RABGAP1L: variants seen among roughly 807,000 people sequenced by gnomAD.
RABGAP1L encodes rab GTPase-activating protein 1-like.
A neutral mutation model predicts 137.7 loss-of-function variants in RABGAP1L; 63 were observed. The observed-to-expected ratio is 0.46, with a 90% CI of 0.37 to 0.56. The LOEUF is 0.56. RABGAP1L is among the 20% of genes least tolerant of loss of function. The probability of loss-of-function intolerance (pLI) is 0.00; values close to 1 mark genes in which losing one functional copy is unlikely to be tolerated. For synonymous variants in RABGAP1L, 431 were observed against 433.7 expected (o/e 0.99, Z 0.08); for missense variants, 1,095 against 1,244.0 (o/e 0.88, Z 1.80).
rs1003697268 is a variant in RABGAP1L at position 174,423,940 on chromosome 1, TG to T, written c.1710+29796del. The stretch of plus-strand genomic sequence containing the variant: ...CAGAGAAAAAAAATATTTTGGGATA[TG>T]TAGGCCAGAGGCAAATGATCTGACA... On this transcript the variant is annotated intron_variant, in intron 13 of 25. Transcript: ENST00000681986. Among the ~76,000 whole-genome samples the T allele has an allele frequency of 2.6e-5, 4 of 152,268 alleles. No homozygotes were observed. The East Asian group carries it at 7.7e-4, about 29-fold the overall frequency.
intron 17 of RABGAP1L, among the ~76,000 whole-genome samples, chr1:174,743,601 A>G (rs992708052): frequency 5.9e-5 from 9 of 152,272 alleles, no homozygotes; most frequent in Middle Eastern, 3.4e-3. Flanking sequence ...GTTTACCTGC[A>G]TAACAAACCT....
chr1:174,813,372 TG>T (rs1690070638), intron 19 of RABGAP1L, among the ~76,000 whole-genome samples: 1 of 152,194 alleles, frequency 6.6e-6, no homozygotes, highest in Non-Finnish European at 1.5e-5. Flanking sequence ...ATGATTGCAC[TG>T]ATTTTGAACT....
intron 11 of RABGAP1L, among the ~76,000 whole-genome samples, chr1:174,340,291 T>C (rs1681861408): frequency 6.6e-6 from 1 of 152,226 alleles, no homozygotes; most frequent in African/African-American, 2.4e-5. Context: ...TGGAATGTTA[T>C]CCTTAGTTCT....
chr1:174,895,637 C>T (rs1295911048), intron 19 of RABGAP1L, among the ~76,000 whole-genome samples: 2 of 151,986 alleles, frequency 1.3e-5, no homozygotes, highest in Non-Finnish European at 2.9e-5. Context: ...GTTCCCCTTC[C>T]TGGGTCCAAG....
At chr1:174,819,254 G>A (rs916646105) in intron 19 of RABGAP1L, among the ~76,000 whole-genome samples, 7 of 149,070 alleles carry the variant, frequency 4.7e-5, no homozygotes, top group African/African-American at 1.7e-4. Flanking sequence ...GGGAGAGAGA[G>A]AGATGAGTAA....
intron 1 of RABGAP1L, among the ~76,000 whole-genome samples, chr1:174,197,492 A>G (rs761250598): frequency 2.0e-5 from 3 of 152,104 alleles, no homozygotes; most frequent in Non-Finnish European, 4.4e-5. Flanking sequence ...AAACCATAGA[A>G]TTTGTTTCCT....
rs746434481 is a variant in RABGAP1L at position 174,288,881 on chromosome 1, T to C, written c.1323+10102T>C. 2.0e-5 allele frequency among the ~76,000 whole-genome samples: 3 copies of C among 152,202 alleles called. 1 individual carries two copies. Among genetic ancestry groups the C allele is most frequent in the Admixed American group, 6.5e-5 (1 of 15,272 alleles). On this transcript the variant is annotated intron_variant, in intron 10 of 25. Transcript: ENST00000681986. ...GGTGTTCCAGGTATCCTGTAGACTT[T>C]CTTCACTCTTTGTTTGTTTGTTTTT...
At chr1:174,904,098 A>T (rs1237641031) in intron 19 of RABGAP1L, among the ~76,000 whole-genome samples, 2 of 152,124 alleles carry the variant, frequency 1.3e-5, no homozygotes, top group Non-Finnish European at 2.9e-5. Flanking sequence ...AACAACTCTG[A>T]GCAGTCAGTA....
intron 19 of RABGAP1L, among the ~76,000 whole-genome samples, chr1:174,832,121 T>A (rs1692168026): frequency 6.8e-6 from 1 of 146,708 alleles, no homozygotes; most frequent in African/African-American, 2.5e-5. Context: ...AGTGAAACCC[T>A]GTCTCTACAA....
chr1:174,583,491 T>A (rs1009962735), intron 13 of RABGAP1L, among the ~76,000 whole-genome samples: 4 of 152,196 alleles, frequency 2.6e-5, no homozygotes, highest in South Asian at 2.1e-4. Flanking sequence ...GTAATTATTC[T>A]ATGAGATGCT....
chr1:174,886,871 A>G (rs747121146), intron 19 of RABGAP1L, among the ~76,000 whole-genome samples: 11 of 151,696 alleles, frequency 7.3e-5, no homozygotes, highest in African/African-American at 1.2e-4. Context: ...CAATGGCGCA[A>G]TCTCGGCTTA....
chr1:174,317,571 T>C (rs1187652929), intron 11 of RABGAP1L, among the ~76,000 whole-genome samples: 2 of 151,988 alleles, frequency 1.3e-5, no homozygotes, highest in East Asian at 1.9e-4. Flanking sequence ...GAAGGAAGGG[T>C]GTCTTTTGGA....
chr1:174,300,516 T>G (rs1571979835), intron 10 of RABGAP1L, among the ~76,000 whole-genome samples: 6 of 98,584 alleles, frequency 6.1e-5, no homozygotes, highest in Non-Finnish European at 7.4e-5. Context: ...GTAACAAGAG[T>G]GAAACTCCAT....
chr1:174,217,462 G>A (rs1040336131), intron 1 of RABGAP1L, among the ~76,000 whole-genome samples: 2 of 152,142 alleles, frequency 1.3e-5, no homozygotes, highest in Non-Finnish European at 2.9e-5. Flanking sequence ...TGAACTCAGG[G>A]AATTTCTAAC....
intron 13 of RABGAP1L, among the ~76,000 whole-genome samples, chr1:174,611,627 A>G (rs1671261608): frequency 6.6e-6 from 1 of 150,610 alleles, no homozygotes; most frequent in Non-Finnish European, 1.5e-5. Context: ...ATGGCATTGA[A>G]TCTATAAATT....
intron 13 of RABGAP1L, among the ~76,000 whole-genome samples, chr1:174,595,645 C>T (rs1450749014): frequency 8.7e-5 from 13 of 149,962 alleles, no homozygotes; most frequent in African/African-American, 3.0e-4. Context: ...CTGCTGGGGG[C>T]TGCCTCCCAG....
At chr1:174,178,515 A>G (rs1666078084) in intron 1 of RABGAP1L, among the ~76,000 whole-genome samples, 2 of 152,236 alleles carry the variant, frequency 1.3e-5, no homozygotes. Flanking sequence ...TCATTCTGCC[A>G]TAAAGACAGA....
chr1:174,822,670 C>G (rs182774140), intron 19 of RABGAP1L, among the ~76,000 whole-genome samples: 1 of 152,288 alleles, frequency 6.6e-6, no homozygotes, highest in Non-Finnish European at 1.5e-5. Flanking sequence ...ATAGGGTTCA[C>G]GCTCCTATGA....
At chr1:174,188,268 G>C (rs145132313) in intron 1 of RABGAP1L, among the ~76,000 whole-genome samples, 119 of 152,136 alleles carry the variant, frequency 7.8e-4, no homozygotes, top group African/African-American at 2.3e-3. Context: ...TAAAATTCTC[G>C]TGCTGAAATG....
Sources: gnomAD v4.1 joint callset for allele counts (sites outside exome capture counted in the v4.1 genomes callset) on GRCh38, gnomAD v4.1.1 for gene constraint, MANE v1.5 for transcripts, NCBI Gene and HGNC (gene_info 2026-07-23, HGNC 2026-07-21) for gene names.